The following ENOX2 variants were observed in gnomAD, a reference collection of about 807,000 sequenced individuals.
ENOX2 encodes APK1 antigen.
A neutral mutation model predicts 45.0 loss-of-function variants in ENOX2; 36 were observed. That is an observed-to-expected ratio of 0.80 (90% CI 0.61 to 1.06). The LOEUF (loss-of-function observed/expected upper bound fraction) is 1.06, where lower values mean the gene tolerates loss of function less well. ENOX2 is among the 50% of genes least tolerant of loss of function. The pLI is 0.00. For synonymous variants in ENOX2, 174 were observed against 152.3 expected (o/e 1.14, Z -1.05); for missense variants, 423 against 462.5 (o/e 0.91, Z 0.78).
At chrX:130,687,434 A>C (rs1306336789) in intron 5 of ENOX2, among the ~76,000 whole-genome samples, 1 of 112,717 alleles carries the variant, frequency 8.9e-6, no homozygotes, top group Non-Finnish European at 1.9e-5. Context: ...ACTATCAGGA[A>C]TACAACTTTC....
At chrX:130,892,527 G>A (rs1336462169) in intron 2 of ENOX2, among the ~76,000 whole-genome samples, 1 of 112,621 alleles carries the variant, frequency 8.9e-6, no homozygotes, top group East Asian at 2.8e-4. Context: ...CCTCTTCTCA[G>A]ATTCCCTTCT....
At chrX:130,648,265 C>T (rs2036295719) in intron 10 of ENOX2, among the ~76,000 whole-genome samples, 3 of 109,563 alleles carry the variant, frequency 2.7e-5, no homozygotes, top group African/African-American at 1.0e-4. Context: ...CATAGAGAAA[C>T]CTGTCTCTAC....
intron 10 of ENOX2, chrX:130,645,672 G>A (rs894417424): frequency 1.2e-5 from 6 of 506,056 alleles, no homozygotes; most frequent in East Asian, 3.8e-5. Flanking sequence ...CCTAAGGGCT[G>A]GGCCTGCTGC....
At chrX:130,808,826 G>C (rs1299986518) in intron 2 of ENOX2, among the ~76,000 whole-genome samples, 2 of 111,958 alleles carry the variant, frequency 1.8e-5, no homozygotes, top group African/African-American at 6.5e-5. Context: ...ATCTTATTGA[G>C]CTATGAAATG....
intron 10 of ENOX2, among the ~76,000 whole-genome samples, chrX:130,640,009 T>C (rs1335682346): frequency 8.9e-6 from 1 of 112,282 alleles, no homozygotes; most frequent in Non-Finnish European, 1.9e-5. Context: ...AAGGTGCCAG[T>C]ATCTTCAGTG....
chrX:130,737,449 TG>T (rs1164710040), intron 3 of ENOX2, among the ~76,000 whole-genome samples: 1 of 110,375 alleles, frequency 9.1e-6, no homozygotes, highest in African/African-American at 3.4e-5. Flanking sequence ...TGCATGCGCG[TG>T]CGCACGCACA....
intron 5 of ENOX2, among the ~76,000 whole-genome samples, chrX:130,688,589 GT>G (rs755462101): frequency 8.9e-6 from 1 of 112,246 alleles, no homozygotes; most frequent in South Asian, 3.7e-4. Flanking sequence ...TGAGCAATCT[GT>G]ATGCTTCCTT....
intron 8 of ENOX2, among the ~76,000 whole-genome samples, chrX:130,666,244 G>A (rs1485586347): frequency 8.9e-6 from 1 of 112,098 alleles, no homozygotes; most frequent in Non-Finnish European, 1.9e-5. Flanking sequence ...TCTGAGGTAT[G>A]TTTAACAAGA....
At chrX:130,783,149 C>G (rs1255567997) in intron 3 of ENOX2, among the ~76,000 whole-genome samples, 2 of 112,092 alleles carry the variant, frequency 1.8e-5, no homozygotes, top group Non-Finnish European at 3.8e-5. Context: ...ACCATTCACT[C>G]ATGCAATTCC....
In ENOX2 at chrX:130,627,952, A is replaced by G; in HGVS notation, c.1614+6T>C. On this transcript the variant is annotated splice_donor_region_variant and intron_variant, in intron 14 of 14. Coordinates refer to ENST00000394363, the MANE Select transcript of ENOX2 (RefSeq NM_006375.4). Reference sequence around the variant, plus strand: ...CCTTGCATCCCCATTTTAGGCCCCCATATACCTTATTATCAAGACGGTGCA... The same window carrying G: ...CCTTGCATCCCCATTTTAGGCCCCCGTATACCTTATTATCAAGACGGTGCA... 2 of 1,187,515 alleles carry G rather than the reference A, an allele frequency of 1.7e-6. No homozygotes were observed. Among genetic ancestry groups the G allele is most frequent in the South Asian group, 1.8e-5 (1 of 56,225 alleles).
At chrX:130,804,736 C>T (rs931258646) in intron 2 of ENOX2, among the ~76,000 whole-genome samples, 1 of 111,824 alleles carries the variant, frequency 8.9e-6, no homozygotes, top group African/African-American at 3.2e-5. Context: ...ACTATTTTAT[C>T]CAGATCCAGA....
At chrX:130,645,456 C>A (rs1319285896) in intron 10 of ENOX2, among the ~76,000 whole-genome samples, 1 of 112,551 alleles carries the variant, frequency 8.9e-6, no homozygotes, top group Non-Finnish European at 1.9e-5. Flanking sequence ...AAGTTTCAGG[C>A]TTATGACTAT....
intron 10 of ENOX2, chrX:130,646,280 T>C (rs1331379785): frequency 2.3e-5 from 9 of 383,598 alleles, no homozygotes; most frequent in African/African-American, 1.3e-4. Context: ...TGGGACCCCA[T>C]AGCAAAGTAC....
intron 2 of ENOX2, among the ~76,000 whole-genome samples, chrX:130,855,418 G>C (rs764602790): frequency 9.0e-6 from 1 of 111,509 alleles, no homozygotes; most frequent in Non-Finnish European, 1.9e-5. Flanking sequence ...CTACAATAAC[G>C]ATGAAAAATA....
chrX:130,687,719 T>C (rs2037483418), intron 5 of ENOX2, among the ~76,000 whole-genome samples: 1 of 112,244 alleles, frequency 8.9e-6, no homozygotes, highest in South Asian at 3.7e-4. Flanking sequence ...TGGAAGGATG[T>C]ATCTTGTTGA....
intron 2 of ENOX2, among the ~76,000 whole-genome samples, chrX:130,835,454 A>G (rs2077912829): frequency 9.0e-6 from 1 of 111,198 alleles, no homozygotes; most frequent in African/African-American, 3.3e-5. Flanking sequence ...TAGAATTCAG[A>G]TCTATGTCTG....
At chrX:130,849,520 G>A (rs1011868435) in intron 2 of ENOX2, among the ~76,000 whole-genome samples, 10 of 112,162 alleles carry the variant, frequency 8.9e-5, no homozygotes, top group Non-Finnish European at 1.3e-4. Context: ...GCTAAGTGCC[G>A]AGATATTGAA....
intron 11 of ENOX2, among the ~76,000 whole-genome samples, chrX:130,635,911 C>T (rs1307805192): frequency 8.0e-5 from 9 of 112,114 alleles, no homozygotes; most frequent in Non-Finnish European, 1.1e-4. Flanking sequence ...ACGTAGAGAC[C>T]TAATTCTCAC....
chrX:130,819,575 G>A (rs1382022754), intron 2 of ENOX2, among the ~76,000 whole-genome samples: 5 of 111,663 alleles, frequency 4.5e-5, no homozygotes, highest in Non-Finnish European at 9.4e-5. Flanking sequence ...TCTTTTGCAG[G>A]GACATGGATG....
Sources: gnomAD v4.1 joint callset for allele counts (sites outside exome capture counted in the v4.1 genomes callset) on GRCh38, gnomAD v4.1.1 for gene constraint, MANE v1.5 for transcripts, NCBI Gene and HGNC (gene_info 2026-07-23, HGNC 2026-07-21) for gene names.